TMPRSS2: variants seen among roughly 807,000 people sequenced by gnomAD.
TMPRSS2 encodes transmembrane protease serine 2.
TMPRSS2 carries 59 observed loss-of-function variants against 67.4 expected under a neutral mutation model. The observed-to-expected ratio is 0.88, with a 90% CI of 0.71 to 1.09. TMPRSS2 has a LOEUF of 1.09. Ranked by LOEUF, TMPRSS2 falls within the 50% of genes least tolerant of loss-of-function variation. The pLI, the probability that TMPRSS2 is intolerant of heterozygous loss-of-function variation, is 0.00. For missense variants in TMPRSS2, 668 were observed against 642.7 expected (o/e 1.04, Z -0.43); for synonymous variants, 257 against 257.0 (o/e 1.00, Z 0.00).
At position 41,467,830 on chromosome 21, in the gene TMPRSS2, C is replaced by A; in HGVS notation, c.1371G>T (p.Gly457=). ...CACAGCCAGAACCCCAGCTTGTATC[C>A]CCTATCAGCCACCAGATATTGTTCT... ...TSKNNIWWLI[G]DTSWGSGCAK... Residue 457 remains glycine (G), a synonymous_variant, in exon 13 of 14, where the codon GGG becomes GGT. Coordinates refer to ENST00000332149, the MANE Select transcript of TMPRSS2 (RefSeq NM_005656.4). The A allele has an allele frequency of 3.1e-6, 5 of 1,614,222 alleles. No homozygotes were observed. The South Asian group carries it at 5.5e-5, about 18-fold the overall frequency.
intron 2 of TMPRSS2, chr21:41,494,806 C>T (rs941282888): frequency 1.8e-6 from 1 of 568,806 alleles, no homozygotes; most frequent in Middle Eastern, 4.9e-4. Context: ...TGCGGTGGCT[C>T]ATGCCTGTAA....
chr21:41,480,372 C>T, intron 6 of TMPRSS2, 104 bp downstream of exon 6: 7 of 1,526,760 alleles, frequency 4.6e-6, no homozygotes, highest in Non-Finnish European at 6.2e-6. Flanking sequence ...GACAATTGTC[C>T]CCAGCACTCA....
intron 8 of TMPRSS2, 122 bp from the exon 9 acceptor site, chr21:41,473,618 G>A: frequency 8.7e-7 from 1 of 1,152,348 alleles, no homozygotes; most frequent in Non-Finnish European, 1.2e-6. Flanking sequence ...CCACTGCTGG[G>A]GATGGACTTA....
In TMPRSS2 at chr21:41,465,322, G is replaced by A. The variant is rs1280294859; in HGVS notation, c.*820C>T. On this transcript the variant is annotated 3_prime_UTR_variant, in exon 14 of 14. Coordinates refer to ENST00000332149, the MANE Select transcript of TMPRSS2 (RefSeq NM_005656.4). ...TCAATTTCCAGTGACTAGCAGGCCT[G>A]AAGAGGCCAACATGGTGCCAGACTT... 8.6e-6 allele frequency: 2 copies of A among 233,652 alleles called. No homozygotes were observed. The highest frequency in any genetic ancestry group is 1.7e-5 in the Non-Finnish European group (2 of 118,100). The allele number at this position is 233,652 out of a possible 1,614,324, so 14.5% of individuals were successfully genotyped here. A position where few individuals can be genotyped will look rare whatever the true frequency, so the allele number is the denominator to read the frequency against.
intron 1 of TMPRSS2, chr21:41,502,680 T>C (rs546337899): frequency 4.1e-6 from 3 of 730,956 alleles, no homozygotes; most frequent in African/African-American, 1.9e-5. Context: ...TCAGTGGCTG[T>C]TCAGCAGAAA....
At position 41,498,152 on chromosome 21, in the gene TMPRSS2, A is replaced by G. The variant is rs1247206717; in HGVS notation, c.-19T>C. On this transcript the variant is annotated 5_prime_UTR_variant, in exon 2 of 14. It removes an upstream start codon present in the reference 5' UTR. Coordinates refer to ENST00000332149, the MANE Select transcript of TMPRSS2 (RefSeq NM_005656.4). ...AAGCCATCTTGCTGTTATCAACAGC[A>G]TCGAGTAATGATAGGTATCTGGAAT... 6.2e-7 allele frequency: 1 copy of G among 1,613,230 alleles called. No homozygotes were observed.
chr21:41,483,591 C>T lies in TMPRSS2; in HGVS notation c.446-2989G>A, dbSNP rs945413049. 2.6e-5 allele frequency among the ~76,000 whole-genome samples: 4 copies of T among 151,826 alleles called. No homozygotes were observed. In the East Asian group the frequency reaches 5.8e-4, roughly 22 times the overall value. ...GATTACAGGCGTGAGCCAGCACACCCGGCTCAAAATACACTTCTATGATTA... is the reference window on the plus strand; with the variant it reads ...GATTACAGGCGTGAGCCAGCACACCTGGCTCAAAATACACTTCTATGATTA... On this transcript the variant is annotated intron_variant, in intron 5 of 13. Transcript: ENST00000332149.
intron 1 of TMPRSS2, among the ~76,000 whole-genome samples, chr21:41,501,876 C>T (rs1326044280): frequency 1.3e-5 from 2 of 152,230 alleles, no homozygotes; most frequent in African/African-American, 4.8e-5. Context: ...TTAGCGAATG[C>T]TTGCTCCTGT....
At chr21:41,484,250 T>G (rs1218584857) in intron 5 of TMPRSS2, among the ~76,000 whole-genome samples, 1 of 152,228 alleles carries the variant, frequency 6.6e-6, no homozygotes, top group Non-Finnish European at 1.5e-5. Flanking sequence ...TTCTCTTTTC[T>G]GTGGTGAGAA....
At chr21:41,466,960 T>A (rs576409020) in intron 13 of TMPRSS2, among the ~76,000 whole-genome samples, 9 of 152,036 alleles carry the variant, frequency 5.9e-5, no homozygotes, top group Non-Finnish European at 1.0e-4. Context: ...CCTTCCCTCG[T>A]GCTTGAGTCT....
At chr21:41,502,941 A>AT (rs1357481576) in intron 1 of TMPRSS2, among the ~76,000 whole-genome samples, 1 of 152,140 alleles carries the variant, frequency 6.6e-6, no homozygotes, top group African/African-American at 2.4e-5. Flanking sequence ...CAAAGACAGT[A>AT]TTTAAATGTT....
chr21:41,493,115 G>C (rs1214245245), intron 3 of TMPRSS2, among the ~76,000 whole-genome samples: 1 of 152,156 alleles, frequency 6.6e-6, no homozygotes, highest in Non-Finnish European at 1.5e-5. Context: ...ACTGTCTCCA[G>C]ACACCGCCAA....
chr21:41,468,569 G>A, intron 11 of TMPRSS2, 31 bp from the exon 12 acceptor site: 1 of 1,612,242 alleles, frequency 6.2e-7, no homozygotes. Flanking sequence ...TGAGCTCCCA[G>A]TGTTGCCTGC....
In TMPRSS2 at chr21:41,480,507, C is replaced by T. The variant is rs781089181; in HGVS notation, c.541G>A (p.Gly181Arg). The T allele has an allele frequency of 5.0e-6, 8 of 1,613,584 alleles. No individual in the cohort carries two copies. Among genetic ancestry groups the T allele is most frequent in the South Asian group, 2.2e-5 (2 of 91,086 alleles). ...CCCATGTCCCTGCAGGCCGCCCGCC[C>T]GTAGTTCTCGTTCCAGTCGTCTTGG... ...VCQDDWNENY[G>R]RAACRDMGYK... The change falls in exon 6 of 14, where the codon GGG (glycine) becomes AGG (arginine). Residue 181 changes from glycine (G) to arginine (R), a missense_variant. By Grantham distance (125) the Gly-to-Arg change is moderately radical (BLOSUM62 -2). Transcript: ENST00000332149.
In TMPRSS2 at chr21:41,473,432, C is replaced by A; in HGVS notation, c.792G>T (p.Pro264=). ...GGCTGACCTGCCAGGGCCAGGCCCC[C>A]GGGAGCGCGCTCTCGCCGCCCACAA... ...SRIVGGESAL[P]GAWPWQVSLH... is the part of the protein sequence containing the mutation. The change falls in exon 9 of 14, where the codon CCG becomes CCT. Residue 264 remains proline (P), a synonymous_variant. Transcript: ENST00000332149. 2 of 1,610,178 alleles carry A rather than the reference C, an allele frequency of 1.2e-6. No homozygotes were observed. Among genetic ancestry groups the A allele is most frequent in the Non-Finnish European group, 1.7e-6 (2 of 1,179,080 alleles).
At chr21:41,488,605 G>A (rs117696554) in intron 4 of TMPRSS2, 92 bp from the exon 5 acceptor site, 33,494 of 1,395,010 alleles carry the variant, frequency 0.024, 457 homozygotes, top group Non-Finnish European at 0.028. Context: ...ACTGTAGCTC[G>A]CTGCAGCCTC....
rs4818242 is a variant in TMPRSS2 at position 41,485,630 on chromosome 21, C to T, written c.445+2764G>A. Among the ~76,000 whole-genome samples, 728 of 132,718 alleles carry T rather than the reference C, an allele frequency of 5.5e-3. 13 individuals carry two copies. The highest frequency in any genetic ancestry group is 0.051 in the Admixed American group (632 of 12,508). 87.1% of individuals were successfully genotyped at this position (132,718 alleles called of 152,430 possible). A position where few individuals can be genotyped will look rare whatever the true frequency, so the allele number is the denominator to read the frequency against. On this transcript the variant is annotated intron_variant, in intron 5 of 13. Transcript: ENST00000332149. ...TGCCTCTGCACTCCAGCCTGGGCAA[C>T]AGAGTGAAACCCTGTCTCCAGGAAA...
Position 41,468,678 on chromosome 21 carries a change from T to A in TMPRSS2, c.1172-140A>T, listed in dbSNP as rs919537187. ...TTCCAGCCCTGCCCCGGTCAGCTCA[T>A]CCCAGCACCAACCCCTCTCCTGGGA... On this transcript the variant is annotated intron_variant, in intron 11 of 13. Transcript: ENST00000332149. 6.6e-6 allele frequency: 6 copies of A among 911,744 alleles called. No homozygotes were observed. The African/African-American group carries it at 1.0e-4, about 15-fold the overall frequency. 56.5% of individuals were successfully genotyped at this position (911,744 alleles called of 1,614,324 possible).
chr21:41,476,492 C>G, intron 8 of TMPRSS2, 85 bp downstream of exon 8: 2 of 1,406,248 alleles, frequency 1.4e-6, no homozygotes, highest in Non-Finnish European at 2.0e-6. Context: ...CTCCCACGCC[C>G]CCAGAGACAC....
Sources: gnomAD v4.1 joint callset for allele counts (sites outside exome capture counted in the v4.1 genomes callset) on GRCh38, gnomAD v4.1.1 for gene constraint, MANE v1.5 for transcripts, NCBI Gene and HGNC (gene_info 2026-07-23, HGNC 2026-07-21) for gene names.